TMTC2: variants seen among roughly 807,000 people sequenced by gnomAD.
TMTC2 encodes protein O-mannosyl-transferase TMTC2.
A neutral mutation model predicts 82.4 loss-of-function variants in TMTC2; 43 were observed. The observed-to-expected ratio is 0.52, with a 90% CI of 0.41 to 0.67. The LOEUF (loss-of-function observed/expected upper bound fraction) is 0.67. Ranked by LOEUF, TMTC2 falls within the 30% of genes least tolerant of loss-of-function variation. TMTC2 has a pLI of 0.00. For missense variants in TMTC2, 919 were observed against 1,012.4 expected, an observed-to-expected ratio of 0.91 and a Z score of 1.25; for synonymous variants, 408 against 381.9, an observed-to-expected ratio of 1.07 and a Z score of -0.80.
At chr12:82,737,239 A>T (rs558349983) in intron 1 of TMTC2, among the ~76,000 whole-genome samples, 1 of 152,334 alleles carries the variant, frequency 6.6e-6, no homozygotes, top group South Asian at 2.1e-4. Context: ...TAATTTAAAT[A>T]CCAGTTAAGT....
chr12:83,102,963 C>T (rs897522193), intron 11 of TMTC2, among the ~76,000 whole-genome samples: 2 of 152,068 alleles, frequency 1.3e-5, no homozygotes, highest in African/African-American at 4.8e-5. Context: ...AGATACTCTC[C>T]CCTAGATTCT....
chr12:82,994,475 T>C (rs1054086983), intron 8 of TMTC2, among the ~76,000 whole-genome samples: 8 of 152,334 alleles, frequency 5.3e-5, no homozygotes, highest in Non-Finnish European at 1.0e-4. Flanking sequence ...GTTTGGTTTC[T>C]GTATCTGATC....
At chr12:82,796,948 AT>A (rs1229707426) in intron 1 of TMTC2, among the ~76,000 whole-genome samples, 1 of 152,184 alleles carries the variant, frequency 6.6e-6, no homozygotes, top group African/African-American at 2.4e-5. Context: ...ATGAATAGAT[AT>A]AATCAGCTCA....
At chr12:82,698,535 C>T (rs1173932961) in intron 1 of TMTC2, among the ~76,000 whole-genome samples, 1 of 152,168 alleles carries the variant, frequency 6.6e-6, no homozygotes, top group Non-Finnish European at 1.5e-5. Flanking sequence ...ACATTAAGTA[C>T]AGCTGTCCCC....
intron 8 of TMTC2, among the ~76,000 whole-genome samples, chr12:83,006,412 C>T (rs928207727): frequency 3.3e-5 from 5 of 152,134 alleles, no homozygotes; most frequent in African/African-American, 1.2e-4. Flanking sequence ...TCTTTGCTAT[C>T]AGTTGTAACG....
At chr12:82,833,084 T>G (rs1397439055) in intron 1 of TMTC2, among the ~76,000 whole-genome samples, 3 of 152,230 alleles carry the variant, frequency 2.0e-5, no homozygotes, top group African/African-American at 7.2e-5. Context: ...TTTCTCCCTA[T>G]GCATTTTTGT....
At chr12:83,004,295 T>A (rs1458039534) in intron 8 of TMTC2, among the ~76,000 whole-genome samples, 3 of 152,202 alleles carry the variant, frequency 2.0e-5, no homozygotes, top group Non-Finnish European at 2.9e-5. Context: ...CTGGATTCCC[T>A]GGATTCTTTG....
At chr12:83,107,913 T>A (rs1884471368) in intron 11 of TMTC2, among the ~76,000 whole-genome samples, 1 of 151,978 alleles carries the variant, frequency 6.6e-6, no homozygotes, top group African/African-American at 2.4e-5. Context: ...AGGGGCCCGG[T>A]GGGAGGTGAC....
intron 3 of TMTC2, among the ~76,000 whole-genome samples, chr12:82,918,357 A>C (rs1055276590): frequency 6.6e-6 from 1 of 152,218 alleles, no homozygotes; most frequent in Non-Finnish European, 1.5e-5. Context: ...TGGAAGTAAC[A>C]CTTTGATTTC....
chr12:82,763,212 AT>A (rs1876748125), intron 1 of TMTC2, among the ~76,000 whole-genome samples: 3 of 152,106 alleles, frequency 2.0e-5, no homozygotes, highest in Non-Finnish European at 2.9e-5. Context: ...CAAGAAAAAA[AT>A]AATTAAGATA....
intron 9 of TMTC2, among the ~76,000 whole-genome samples, chr12:83,048,975 G>A (rs1463658054): frequency 1.3e-5 from 2 of 152,042 alleles, no homozygotes; most frequent in African/African-American, 4.8e-5. Context: ...AGCCAGCTAT[G>A]GTTTATTTTA....
intron 3 of TMTC2, among the ~76,000 whole-genome samples, chr12:82,915,247 T>C (rs1874936958): frequency 6.6e-6 from 1 of 152,208 alleles, no homozygotes; most frequent in South Asian, 2.1e-4. Context: ...ATAGTGGTTA[T>C]TGTTCCTCCT....
chr12:83,082,517 AT>A (rs1285012280), intron 11 of TMTC2, among the ~76,000 whole-genome samples: 3 of 152,216 alleles, frequency 2.0e-5, no homozygotes, highest in Non-Finnish European at 4.4e-5. Flanking sequence ...CCTTGACAAT[AT>A]AGACTGTGCT....
intron 3 of TMTC2, 107 bp from the exon 4 acceptor site, chr12:82,930,324 G>A (rs558833223): frequency 1.2e-4 from 69 of 597,644 alleles, no homozygotes; most frequent in African/African-American, 1.0e-3. Flanking sequence ...TCTTAAAAAT[G>A]TTTTATGATG....
chr12:83,083,529 C>G (rs553979836), intron 11 of TMTC2, among the ~76,000 whole-genome samples: 48 of 152,294 alleles, frequency 3.2e-4, no homozygotes, highest in African/African-American at 1.1e-3. Flanking sequence ...CCTCCCCTCT[C>G]TAGAACATGA....
intron 10 of TMTC2, among the ~76,000 whole-genome samples, chr12:83,052,598 CA>C (rs1466190986): frequency 6.6e-6 from 1 of 152,078 alleles, no homozygotes; most frequent in Non-Finnish European, 1.5e-5. Context: ...TGGGAAAGCA[CA>C]AATACAGACA....
At chr12:83,055,904 A>G (rs972602111) in intron 10 of TMTC2, among the ~76,000 whole-genome samples, 2 of 151,980 alleles carry the variant, frequency 1.3e-5, no homozygotes, top group Admixed American at 6.6e-5. Context: ...AGATGAGCAT[A>G]CTGAGACTCA....
intron 2 of TMTC2, among the ~76,000 whole-genome samples, chr12:82,880,908 G>A (rs1326233404): frequency 6.6e-6 from 1 of 152,194 alleles, no homozygotes; most frequent in Non-Finnish European, 1.5e-5. Context: ...GCATGGCAAT[G>A]ATTAGTGCTA....
intron 1 of TMTC2, among the ~76,000 whole-genome samples, chr12:82,855,208 T>C (rs1871198448): frequency 6.6e-6 from 1 of 152,368 alleles, no homozygotes; most frequent in Admixed American, 6.5e-5. Context: ...TCAACTAGAA[T>C]ACTAACTCAG....
Sources: gnomAD v4.1 joint callset for allele counts (sites outside exome capture counted in the v4.1 genomes callset) on GRCh38, gnomAD v4.1.1 for gene constraint, MANE v1.5 for transcripts, NCBI Gene and HGNC (gene_info 2026-07-23, HGNC 2026-07-21) for gene names.